ADSS2: variants seen among roughly 807,000 people sequenced by gnomAD.
ADSS2 encodes the protein adenylosuccinate synthase 2.
In ADSS2, 30 loss-of-function variants were observed where a neutral mutation model predicts 60.0. The observed-to-expected ratio is 0.50, with a 90% CI of 0.37 to 0.68. ADSS2 has a LOEUF of 0.68. Ranked by LOEUF, ADSS2 falls within the 30% of genes least tolerant of loss-of-function variation. The pLI is 0.00. For synonymous variants in ADSS2, 187 were observed against 193.1 expected, an observed-to-expected ratio of 0.97 and a Z score of 0.26; for missense variants, 373 against 554.8, an observed-to-expected ratio of 0.67 and a Z score of 3.29.
At chr1:244,414,147 C>T (rs1192175620) in intron 11 of ADSS2, among the ~76,000 whole-genome samples, 1 of 151,220 alleles carries the variant, frequency 6.6e-6, no homozygotes, top group Non-Finnish European at 1.5e-5. Flanking sequence ...AGGAAGATAA[C>T]AGAATCTGAG....
rs770367468 is a variant in ADSS2, at chr1:244,422,826, A to G, written c.663+9T>C. On this transcript the variant is annotated intron_variant, in intron 7 of 12. Coordinates refer to ENST00000366535, the MANE Select transcript of ADSS2 (RefSeq NM_001126.5). ...TAAAAAGAACATTAAAGATGCCAGA[A>G]AGCATTACCTTGAGTTTTTGTAATT... The G allele has an allele frequency of 6.4e-7, 1 of 1,568,580 alleles. No individual in the cohort carries two copies. The highest frequency in any genetic ancestry group is 1.4e-5 in the African/African-American group (1 of 73,904).
chr1:244,433,573 A>G (rs988756156), intron 3 of ADSS2, among the ~76,000 whole-genome samples: 1 of 152,146 alleles, frequency 6.6e-6, no homozygotes, highest in Non-Finnish European at 1.5e-5. Context: ...TATAACAAAT[A>G]TGGGCTGGGT....
chr1:244,437,246 G>T (rs1467713415), intron 2 of ADSS2, among the ~76,000 whole-genome samples: 1 of 152,072 alleles, frequency 6.6e-6, no homozygotes, highest in Non-Finnish European at 1.5e-5. Flanking sequence ...TTGTGATAAG[G>T]ATTTTTAAAA....
At chr1:244,410,182 A>G (rs960591514) in intron 12 of ADSS2, among the ~76,000 whole-genome samples, 1 of 152,212 alleles carries the variant, frequency 6.6e-6, no homozygotes, top group East Asian at 1.9e-4. Context: ...TTTCAAGAAA[A>G]TGCTGACCAA....
At chr1:244,445,643 G>A (rs542488711) in intron 1 of ADSS2, among the ~76,000 whole-genome samples, 2 of 134,836 alleles carry the variant, frequency 1.5e-5, no homozygotes, top group African/African-American at 2.8e-5. Context: ...AGGTCCAGGG[G>A]AGGTTAAAAA....
At chr1:244,445,221 A>G (rs1460220922) in intron 1 of ADSS2, among the ~76,000 whole-genome samples, 3 of 152,226 alleles carry the variant, frequency 2.0e-5, no homozygotes, top group Non-Finnish European at 4.4e-5. Context: ...TTTGCTTGAG[A>G]TAGTTTCTTT....
intron 4 of ADSS2, 173 bp from the exon 5 acceptor site, chr1:244,424,560 T>C: frequency 1.9e-6 from 1 of 526,414 alleles, no homozygotes; most frequent in Non-Finnish European, 3.4e-6. Flanking sequence ...AGTACATTAA[T>C]ATGAAAATGT....
chr1:244,431,398 T>C (rs1342051933), intron 4 of ADSS2, among the ~76,000 whole-genome samples: 2 of 152,196 alleles, frequency 1.3e-5, no homozygotes, highest in Admixed American at 6.5e-5. Context: ...ATGCCATTAA[T>C]AATTCTGGAA....
chr1:244,451,247 CG>C lies in ADSS2; in HGVS notation c.183+387del, dbSNP rs1327650661. Among the ~76,000 whole-genome samples, 1 of 152,142 alleles carries C rather than the reference CG, an allele frequency of 6.6e-6. No individual in the cohort carries two copies. Among genetic ancestry groups the C allele is most frequent in the Non-Finnish European group, 1.5e-5 (1 of 68,010 alleles). On this transcript the variant is annotated intron_variant, in intron 1 of 12. Coordinates refer to ENST00000366535, the MANE Select transcript of ADSS2 (RefSeq NM_001126.5). This position sits in a 1 kb window ranked among gnomAD's most constrained non-coding sequence, Gnocchi z 6.6. ...GTCGCGCCGGGTCTCCGCCCGCAGT[CG>C]GAAGAGTTGGGAGCAGGCCTCGGGC...
At chr1:244,432,194 T>C (rs1449568107) in intron 4 of ADSS2, among the ~76,000 whole-genome samples, 35 of 152,242 alleles carry the variant, frequency 2.3e-4, no homozygotes, top group Admixed American at 2.3e-3. Flanking sequence ...AAAGAGTCAC[T>C]CTATCTGCAA....
chr1:244,433,411 T>A (rs1038260611), intron 3 of ADSS2, among the ~76,000 whole-genome samples: 1 of 152,166 alleles, frequency 6.6e-6, no homozygotes, highest in African/African-American at 2.4e-5. Context: ...AAGCTCCAAA[T>A]TCAAACCAGT....
chr1:244,434,676 G>A (rs1157269867), intron 3 of ADSS2, among the ~76,000 whole-genome samples: 1 of 152,104 alleles, frequency 6.6e-6, no homozygotes, highest in Non-Finnish European at 1.5e-5. Context: ...CAGTAAAGTA[G>A]ATAAAGAGCA....
chr1:244,421,039 G>A (rs1664664574), intron 7 of ADSS2, among the ~76,000 whole-genome samples: 1 of 5,194 alleles, frequency 1.9e-4, no homozygotes, highest in Non-Finnish European at 4.6e-4. Context: ...TGAGGGCCAC[G>A]AGTTACACTG....
Position 244,450,198 on chromosome 1 carries a change from A to C in ADSS2, c.183+1437T>G, listed in dbSNP as rs56097828. Among the ~76,000 whole-genome samples the C allele has an allele frequency of 7.5e-3, 1,139 of 152,340 alleles. 20 individuals carry two copies. The highest frequency in any genetic ancestry group is 0.026 in the African/African-American group (1,085 of 41,568). On this transcript the variant is annotated intron_variant, in intron 1 of 12. Coordinates refer to ENST00000366535, the MANE Select transcript of ADSS2 (RefSeq NM_001126.5). ...TGAATGTAAGACAAAAGGTAGGTAA[A>C]GGCTGGATTTCTGGAGTATTTCCTA...
rs993527204 is a variant in ADSS2, at chr1:244,424,146, T to C, written c.474-86A>G. On this transcript the variant is annotated intron_variant, in intron 5 of 12. Coordinates refer to ENST00000366535, the MANE Select transcript of ADSS2 (RefSeq NM_001126.5). ...GATCATTGCAGTGAATAAAGTTACA[T>C]ATGACTATTTTCTGTTTATGTTATT... 1.0e-5 allele frequency: 13 copies of C among 1,240,116 alleles called. No individual in the cohort carries two copies. The Middle Eastern group carries it at 1.1e-3, about 110-fold the overall frequency. The allele number at this position is 1,240,116 out of a possible 1,614,324, so 76.8% of individuals were successfully genotyped here. A position where few individuals can be genotyped will look rare whatever the true frequency, so the allele number is the denominator to read the frequency against.
chr1:244,447,235 T>C (rs1398673011), intron 1 of ADSS2, among the ~76,000 whole-genome samples: 1 of 152,176 alleles, frequency 6.6e-6, no homozygotes, highest in African/African-American at 2.4e-5. Flanking sequence ...CCCTGAGAGA[T>C]AAGATAGCTG....
At chr1:244,423,750 C>G (rs1165467043) in intron 6 of ADSS2, among the ~76,000 whole-genome samples, 1 of 152,102 alleles carries the variant, frequency 6.6e-6, no homozygotes, top group African/African-American at 2.4e-5. Flanking sequence ...TCTATTAAAT[C>G]ACCGTCATGT....
chr1:244,441,943 A>G (rs1665259389), intron 1 of ADSS2, among the ~76,000 whole-genome samples: 1 of 152,136 alleles, frequency 6.6e-6, no homozygotes, highest in African/African-American at 2.4e-5. Context: ...GCCACAGAAC[A>G]AGACTCTGTC....
intron 4 of ADSS2, among the ~76,000 whole-genome samples, chr1:244,429,640 G>C (rs1236797347): frequency 6.6e-6 from 1 of 152,116 alleles, no homozygotes; most frequent in African/African-American, 2.4e-5. Context: ...CTGTAATTGG[G>C]AGGCCAGGTC....
Sources: allele counts gnomAD v4.1 joint callset (sites outside exome capture counted in the v4.1 genomes callset), GRCh38; gene constraint gnomAD v4.1.1; non-coding constraint Gnocchi (gnomAD v3.1); transcripts MANE v1.5; gene names NCBI Gene and HGNC (gene_info 2026-07-23, HGNC 2026-07-21).